The following MALT1 variants were observed in gnomAD, a reference collection of about 807,000 sequenced individuals.
MALT1 encodes the protein mucosa-associated lymphoid tissue lymphoma translocation protein 1.
Under a neutral mutation model 85.5 loss-of-function variants are expected in MALT1, and 36 were observed. That is an observed-to-expected ratio of 0.42 (90% confidence interval 0.32 to 0.56). The LOEUF (loss-of-function observed/expected upper bound fraction) is 0.56. MALT1 is among the 20% of genes least tolerant of loss of function. The pLI is 0.10. For synonymous variants in MALT1, 359 were observed against 361.3 expected (o/e 0.99, Z 0.07); for missense variants, 716 against 981.6 (o/e 0.73, Z 3.62).
intron 2 of MALT1, among the ~76,000 whole-genome samples, chr18:58,695,591 A>G (rs1259998974): frequency 6.6e-6 from 1 of 152,200 alleles, no homozygotes; most frequent in Non-Finnish European, 1.5e-5. Flanking sequence ...GTCTTTGTCC[A>G]TTGCATGCTT....
At chr18:58,686,476 G>C (rs1209523024) in intron 2 of MALT1, among the ~76,000 whole-genome samples, 1 of 152,222 alleles carries the variant, frequency 6.6e-6, no homozygotes, top group African/African-American at 2.4e-5. Flanking sequence ...GATGGGAGCT[G>C]TTTAGAGAGA....
At chr18:58,731,143 G>T (rs924757107) in intron 10 of MALT1, among the ~76,000 whole-genome samples, 20 of 152,114 alleles carry the variant, frequency 1.3e-4, no homozygotes, top group Admixed American at 2.0e-4. Context: ...AGTAGAAACG[G>T]GGTTTCACCA....
intron 13 of MALT1, among the ~76,000 whole-genome samples, chr18:58,739,487 A>AT (rs1300349989): frequency 3.3e-5 from 5 of 152,180 alleles, no homozygotes; most frequent in Non-Finnish European, 7.3e-5. Flanking sequence ...TTAGTCCAGC[A>AT]TTATTCAAGA....
chr18:58,734,473 AC>A, intron 12 of MALT1, 92 bp downstream of exon 12: 2 of 981,060 alleles, frequency 2.0e-6, no homozygotes, highest in Non-Finnish European at 3.3e-6. Context: ...TAACTCTGTC[AC>A]CCAGGCTGGA....
intron 10 of MALT1, among the ~76,000 whole-genome samples, chr18:58,727,594 C>T (rs1243726408): frequency 6.8e-6 from 1 of 147,000 alleles, no homozygotes; most frequent in South Asian, 2.1e-4. Context: ...CCACTGCACC[C>T]AGCCTGCCAA....
At chr18:58,744,670 T>C (rs1056875128) in intron 15 of MALT1, among the ~76,000 whole-genome samples, 175 bp downstream of exon 15, 3 of 152,140 alleles carry the variant, frequency 2.0e-5, no homozygotes, top group African/African-American at 7.2e-5. Flanking sequence ...CAAAATACCT[T>C]AAGTTTATGA....
chr18:58,696,176 C>T (rs1447267881), intron 2 of MALT1, among the ~76,000 whole-genome samples, 190 bp from the exon 3 acceptor site: 5 of 152,156 alleles, frequency 3.3e-5, no homozygotes, highest in African/African-American at 1.2e-4. Flanking sequence ...AAGTTTCTTT[C>T]CTCTGATTTT....
At chr18:58,683,124 G>C (rs1237968083) in intron 2 of MALT1, among the ~76,000 whole-genome samples, 1 of 152,146 alleles carries the variant, frequency 6.6e-6, no homozygotes, top group Non-Finnish European at 1.5e-5. Context: ...GCACCCAAGA[G>C]TTGTGACATT....
intron 2 of MALT1, among the ~76,000 whole-genome samples, chr18:58,685,983 G>A (rs2054395951): frequency 6.6e-6 from 1 of 151,996 alleles, no homozygotes; most frequent in African/African-American, 2.4e-5. Context: ...CATCTGTATA[G>A]ATAGACTTAG....
At chr18:58,676,256 G>A (rs528026484) in intron 1 of MALT1, among the ~76,000 whole-genome samples, 5 of 152,130 alleles carry the variant, frequency 3.3e-5, no homozygotes, top group Admixed American at 6.5e-5. Flanking sequence ...GTGGCCAGGC[G>A]TGGTAGCCTC....
chr18:58,688,038 G>A (rs894032782), intron 2 of MALT1, among the ~76,000 whole-genome samples: 3 of 152,120 alleles, frequency 2.0e-5, no homozygotes, highest in Non-Finnish European at 2.9e-5. Flanking sequence ...GTATGCCTTC[G>A]TACAGCCTAC....
At chr18:58,714,287 T>C (rs1030875970) in intron 8 of MALT1, among the ~76,000 whole-genome samples, 178 bp downstream of exon 8, 1 of 152,166 alleles carries the variant, frequency 6.6e-6, no homozygotes, top group Non-Finnish European at 1.5e-5. Context: ...AGTGATACAT[T>C]AAAAATATTT....
At chr18:58,740,558 T>G (rs904889538) in intron 13 of MALT1, among the ~76,000 whole-genome samples, 9 of 152,098 alleles carry the variant, frequency 5.9e-5, no homozygotes, top group Admixed American at 3.9e-4. Flanking sequence ...AATTTTCAAA[T>G]ATGGCAGGAA....
At chr18:58,684,365 C>T (rs1374796837) in intron 2 of MALT1, among the ~76,000 whole-genome samples, 1 of 150,706 alleles carries the variant, frequency 6.6e-6, no homozygotes, top group Admixed American at 6.6e-5. Flanking sequence ...TAATAAAGCT[C>T]AGTAATTTTA....
In MALT1 at chr18:58,750,797, G is replaced by C. The variant is rs1360000031; in HGVS notation, c.*2955G>C. On this transcript the variant is annotated 3_prime_UTR_variant, in exon 17 of 17. Transcript: ENST00000649217. ...TAGAAGAAAACAGAAGTAAATCTTT[G>C]TGATGTTGGGCTTAGGAATGGTTTC... 2.0e-5 allele frequency: 3 copies of C among 152,154 alleles called. No individual in the cohort carries two copies. Among genetic ancestry groups the C allele is most frequent in the Non-Finnish European group, 4.4e-5 (3 of 68,034 alleles). The allele number at this position is 152,154 out of a possible 1,614,324, so 9.4% of individuals were successfully genotyped here.
intron 13 of MALT1, among the ~76,000 whole-genome samples, chr18:58,741,220 G>T (rs1309729469): frequency 6.6e-6 from 1 of 152,148 alleles, no homozygotes; most frequent in East Asian, 1.9e-4. Context: ...CTTTTAATGA[G>T]AAAATTTAGT....
chr18:58,728,586 C>G (rs568336281), intron 10 of MALT1, among the ~76,000 whole-genome samples: 31 of 152,254 alleles, frequency 2.0e-4, no homozygotes, highest in Non-Finnish European at 7.4e-5. Context: ...GTATGGGCAA[C>G]AGAGCAAGAC....
chr18:58,675,374 T>G (rs1202819554), intron 1 of MALT1: 1 of 152,190 alleles, frequency 6.6e-6, no homozygotes. Context: ...CAGTTTATTA[T>G]AGGAATGAGA....
chr18:58,691,869 T>C (rs2054506783), intron 2 of MALT1, among the ~76,000 whole-genome samples: 2 of 117,210 alleles, frequency 1.7e-5, no homozygotes, highest in Admixed American at 1.6e-4. Context: ...CGAGACTCCG[T>C]CTCAAAAAAA....
Sources: allele counts gnomAD v4.1 joint callset (sites outside exome capture counted in the v4.1 genomes callset), GRCh38; gene constraint gnomAD v4.1.1; transcripts MANE v1.5; gene names NCBI Gene and HGNC (gene_info 2026-07-23, HGNC 2026-07-21).